POT1: variants seen among roughly 807,000 people sequenced by gnomAD.
POT1 encodes the protein protection of telomeres protein 1.
Under a neutral mutation model 78.5 loss-of-function variants are expected in POT1, and 47 were observed. That is an observed-to-expected ratio of 0.60 (90% confidence interval 0.47 to 0.76). The LOEUF (loss-of-function observed/expected upper bound fraction) is 0.76, where lower values mean the gene tolerates loss of function less well. POT1 is among the 30% of genes least tolerant of loss of function. The probability of loss-of-function intolerance (pLI) is 0.00; values close to 1 mark genes in which losing one functional copy is unlikely to be tolerated. For missense variants in POT1, 646 were observed against 749.9 expected (o/e 0.86, Z 1.62); for synonymous variants, 259 against 260.7 (o/e 0.99, Z 0.06).
Position 124,870,871 on chromosome 7 carries a change from T to C in POT1, c.255+40A>G, listed in dbSNP as rs1584777678. 2.0e-6 allele frequency: 3 copies of C among 1,498,238 alleles called. No individual in the cohort carries two copies. The East Asian group carries it at 7.1e-5, about 36-fold the overall frequency. The allele number at this position is 1,498,238 out of a possible 1,614,324, so 92.8% of individuals were successfully genotyped here. A position where few individuals can be genotyped will look rare whatever the true frequency, so the allele number is the denominator to read the frequency against. On this transcript the variant is annotated intron_variant, in intron 7 of 18. Transcript: ENST00000357628. ...AGTTTCAGTGAACAATACAGAGTTCTCTTCAAATAAATATAAGTTCTAGAC... is the reference window on the plus strand; with the variant it reads ...AGTTTCAGTGAACAATACAGAGTTCCCTTCAAATAAATATAAGTTCTAGAC...
At chr7:124,850,950 T>C (rs1225972415) in intron 11 of POT1, among the ~76,000 whole-genome samples, 4 of 149,636 alleles carry the variant, frequency 2.7e-5, no homozygotes, top group African/African-American at 9.8e-5. Flanking sequence ...ACCTAGATTC[T>C]AGGTCCCAAA....
chr7:124,875,079 CTATTAG>C (rs1290847876), intron 6 of POT1, among the ~76,000 whole-genome samples: 1 of 152,126 alleles, frequency 6.6e-6, no homozygotes, highest in Non-Finnish European at 1.5e-5. Flanking sequence ...ATATTTCTTA[CTATTAG>C]TAAGGACTGA....
chr7:124,886,733 CAT>C (rs1255467054), intron 6 of POT1, among the ~76,000 whole-genome samples: 1 of 152,058 alleles, frequency 6.6e-6, no homozygotes, highest in African/African-American at 2.4e-5. Context: ...ATATAAGACA[CAT>C]ATGAAAATAT....
At chr7:124,837,765 AT>A (rs1203848865) in intron 14 of POT1, among the ~76,000 whole-genome samples, 5 of 152,112 alleles carry the variant, frequency 3.3e-5, no homozygotes, top group Admixed American at 6.5e-5. Flanking sequence ...ATGAAGACCT[AT>A]TGATCAACTT....
At chr7:124,897,682 T>C (rs1244540387) in intron 4 of POT1, among the ~76,000 whole-genome samples, 1 of 151,844 alleles carries the variant, frequency 6.6e-6, no homozygotes, top group African/African-American at 2.4e-5. Flanking sequence ...TCCAGCCTAA[T>C]TCATTAATTT....
At chr7:124,849,166 C>A (rs1048459100) in intron 11 of POT1, among the ~76,000 whole-genome samples, 10 of 152,084 alleles carry the variant, frequency 6.6e-5, no homozygotes, top group Non-Finnish European at 1.5e-4. Context: ...ACATCTCAAG[C>A]TGGCATGGTA....
intron 6 of POT1, among the ~76,000 whole-genome samples, chr7:124,881,350 T>C (rs1326514835): frequency 6.6e-6 from 1 of 151,946 alleles, no homozygotes; most frequent in Non-Finnish European, 1.5e-5. Flanking sequence ...AGTCCACTGT[T>C]GATCAAAATG....
At position 124,842,904 on chromosome 7, in the gene POT1, CTTT is replaced by C; in HGVS notation, c.1063_1065del (p.Lys355del). On this transcript the variant is annotated inframe_deletion, in exon 13 of 19. Coordinates refer to ENST00000357628, the MANE Select transcript of POT1 (RefSeq NM_015450.3). ...GCTCGGATGCGGTATTGTTGAGGAGCTTTTTGTTTCAAAATGGCACATAGTGGT... is the reference window on the plus strand; with the variant it reads ...GCTCGGATGCGGTATTGTTGAGGAGCTTGTTTCAAAATGGCACATAGTGGT... 1 of 1,608,228 alleles carries C rather than the reference CTTT, an allele frequency of 6.2e-7. No homozygotes were observed. The highest frequency in any genetic ancestry group is 8.5e-7 in the Non-Finnish European group (1 of 1,177,828).
intron 6 of POT1, among the ~76,000 whole-genome samples, chr7:124,885,937 G>T (rs1398767933): frequency 6.6e-6 from 1 of 151,986 alleles, no homozygotes; most frequent in Non-Finnish European, 1.5e-5. Context: ...AGCATTATAT[G>T]TTCTTTTAAC....
Position 124,863,496 on chromosome 7 carries a change from C to T in POT1, c.400G>A (p.Glu134Lys). The change falls in exon 8 of 19, where the codon GAA becomes AAA. Residue 134 changes from glutamate to lysine, a missense_variant. Glu to Lys is a moderately conservative substitution (Grantham distance 56, BLOSUM62 1). Around this residue, in one of 2 missense-constraint regions of POT1, gnomAD observed 252 missense variants for 341.4 expected, o/e 0.74. Transcript: ENST00000357628. The stretch of plus-strand genomic sequence containing the variant: ...GTAGATGCCCAAACACGTAAGGCTT[C>T]TACCATTTTGTGGTCCTCAGTAGTG... ...NFTTEDHKMV[E>K]ALRVWASTHM... 6.2e-7 allele frequency: 1 copy of T among 1,614,020 alleles called. No individual in the cohort carries two copies. Among genetic ancestry groups the T allele is most frequent in the Non-Finnish European group, 8.5e-7 (1 of 1,179,922 alleles).
At chr7:124,902,477 A>T (rs1796645858) in intron 3 of POT1, among the ~76,000 whole-genome samples, 1 of 152,210 alleles carries the variant, frequency 6.6e-6, no homozygotes, top group Admixed American at 6.5e-5. Context: ...GCAAATGCTG[A>T]AAGATTTTGT....
intron 6 of POT1, among the ~76,000 whole-genome samples, chr7:124,872,146 G>C (rs527493913): frequency 1.3e-5 from 2 of 152,188 alleles, no homozygotes; most frequent in South Asian, 4.1e-4. Flanking sequence ...CATCCATGTT[G>C]TTGTAAATGA....
At chr7:124,834,170 A>G (rs993301029) in intron 15 of POT1, among the ~76,000 whole-genome samples, 4 of 151,928 alleles carry the variant, frequency 2.6e-5, no homozygotes, top group Admixed American at 1.3e-4. Flanking sequence ...AAACCTGGGC[A>G]ATACCATTCA....
chr7:124,835,565 G>T, intron 14 of POT1, 151 bp from the exon 15 acceptor site: 1 of 865,904 alleles, frequency 1.2e-6, no homozygotes, highest in Non-Finnish European at 1.7e-6. Flanking sequence ...ATTTGTAAAT[G>T]TACAATCCTA....
intron 15 of POT1, among the ~76,000 whole-genome samples, chr7:124,832,252 C>CAAAA (rs372881075): frequency 1.1e-4 from 8 of 75,576 alleles, no homozygotes; most frequent in South Asian, 5.3e-4. Context: ...ACACTGTCTC[C>CAAAA]AAAAAAAAAA....
chr7:124,838,450 C>G (rs986681584), intron 14 of POT1, among the ~76,000 whole-genome samples: 5 of 151,938 alleles, frequency 3.3e-5, no homozygotes, highest in African/African-American at 1.2e-4. Context: ...AAAATGTGAT[C>G]TATATTTTGT....
At chr7:124,885,315 G>GT (rs1396608315) in intron 6 of POT1, among the ~76,000 whole-genome samples, 3 of 91,116 alleles carry the variant, frequency 3.3e-5, no homozygotes, top group Non-Finnish European at 7.2e-5. Context: ...AAAAAAAAAA[G>GT]TTTTTTGATT....
chr7:124,843,989 A>G (rs551514564), intron 12 of POT1, among the ~76,000 whole-genome samples: 3 of 152,194 alleles, frequency 2.0e-5, no homozygotes, highest in Non-Finnish European at 2.9e-5. Context: ...TATTTAAGAT[A>G]CTTCTGTGAC....
At chr7:124,834,571 G>T (rs1443601519) in intron 15 of POT1, among the ~76,000 whole-genome samples, 1 of 151,656 alleles carries the variant, frequency 6.6e-6, no homozygotes, top group South Asian at 2.1e-4. Flanking sequence ...TTAGAATGGC[G>T]ATCATTAAAA....
Sources: gnomAD v4.1 joint callset for allele counts (sites outside exome capture counted in the v4.1 genomes callset) on GRCh38, gnomAD v4.1.1 for gene constraint, gnomAD v4.1.1 regional missense constraint, MANE v1.5 for transcripts, NCBI Gene and HGNC (gene_info 2026-07-23, HGNC 2026-07-21) for gene names.